Variants in GLCCI1 observed in about 807,000 individuals in gnomAD.
The protein encoded by GLCCI1 is glucocorticoid induced 1, also known as glucocorticoid-induced transcript 1 protein.
In GLCCI1, 24 loss-of-function variants were observed where a neutral mutation model predicts 52.2. That is an observed-to-expected ratio of 0.46 (90% CI 0.33 to 0.65). The LOEUF is 0.65. Among genes scored for constraint, GLCCI1 ranks in the 30% least tolerant of loss-of-function variants. The pLI is 0.02. For missense variants in GLCCI1, 704 were observed against 701.5 expected (o/e 1.00, Z -0.04); for synonymous variants, 310 against 276.5 (o/e 1.12, Z -1.20).
At chr7:8,003,860 A>T in intron 1 of GLCCI1, 48 bp from the exon 2 acceptor site, 1 of 1,543,508 alleles carries the variant, frequency 6.5e-7, no homozygotes, top group Non-Finnish European at 8.8e-7. Context: ...ATAACTTTAA[A>T]TTTTATTTTA....
intron 2 of GLCCI1, among the ~76,000 whole-genome samples, chr7:8,006,084 C>T (rs1306942621): frequency 1.3e-5 from 2 of 152,192 alleles, no homozygotes; most frequent in African/African-American, 4.8e-5. Context: ...AGGCATGCGC[C>T]ACCACTCCTG....
At position 8,086,317 on chromosome 7, in the gene GLCCI1, C is replaced by T; in HGVS notation, c.1423C>T (p.Leu475Phe). 6.2e-7 allele frequency: 1 copy of T among 1,614,036 alleles called. No homozygotes were observed. Among genetic ancestry groups the T allele is most frequent in the Non-Finnish European group, 8.5e-7 (1 of 1,179,940 alleles). Residue 475 changes from leucine to phenylalanine, a missense_variant, in exon 8 of 8, where the codon CTT (leucine) becomes TTT (phenylalanine). Physicochemically the swap from Leu to Phe is conservative, Grantham distance 22. This residue lies in a region of GLCCI1 where 149 missense variants were observed against 152.9 expected (regional missense o/e 0.97). Coordinates refer to ENST00000223145, the MANE Select transcript of GLCCI1 (RefSeq NM_138426.4). The surrounding 1 kb of genome is among the most constrained non-coding windows in gnomAD (Gnocchi z 4.4). ...LLGPLLPASD[L>F]MLKNSPNSGQ... ...AGGCCCCCTCTTACCTGCTTCTGAC[C>T]TTATGCTCAAGAACTCCCCTAACTC...
intron 1 of GLCCI1, among the ~76,000 whole-genome samples, chr7:8,000,961 C>T (rs1295973511): frequency 1.3e-5 from 2 of 152,170 alleles, no homozygotes; most frequent in East Asian, 1.9e-4. Context: ...CTCCTGAATA[C>T]AGCACACTAA....
chr7:7,989,368 C>T (rs2115414701), intron 1 of GLCCI1, among the ~76,000 whole-genome samples: 1 of 152,230 alleles, frequency 6.6e-6, no homozygotes, highest in South Asian at 2.1e-4. Flanking sequence ...GCAAGAGACA[C>T]TCCATCAACC....
At chr7:8,013,675 A>C (rs1781316389) in intron 2 of GLCCI1, among the ~76,000 whole-genome samples, 1 of 152,322 alleles carries the variant, frequency 6.6e-6, no homozygotes, top group African/African-American at 2.4e-5. Flanking sequence ...TTTGCCCTTC[A>C]GAATATTTTA....
chr7:8,008,053 A>T (rs38019), intron 2 of GLCCI1, among the ~76,000 whole-genome samples: 62,175 of 151,890 alleles, frequency 0.41, 13,031 homozygotes, highest in Middle Eastern at 0.52. Context: ...AATCTATTTA[A>T]CATATGCGTT....
chr7:8,080,840 G>GT (rs1298963089), intron 6 of GLCCI1, among the ~76,000 whole-genome samples: 13 of 146,938 alleles, frequency 8.8e-5, no homozygotes, highest in South Asian at 2.2e-4. Context: ...TTGGTTTTGG[G>GT]GTTTTTTTTT....
chr7:8,027,595 G>GCAGGAGT (rs1188683563), intron 3 of GLCCI1, among the ~76,000 whole-genome samples: 145 of 151,826 alleles, frequency 9.6e-4, no homozygotes, highest in African/African-American at 3.2e-3. Context: ...TAATAAAATG[G>GCAGGAGT]CAGGAGTAAG....
In GLCCI1 at chr7:8,078,611, G is replaced by A. The variant is rs542874748; in HGVS notation, c.1178-6286G>A. 3 of 152,272 alleles carry A rather than the reference G, an allele frequency of 2.0e-5. No homozygotes were observed. In the East Asian group the frequency reaches 5.8e-4, roughly 29 times the overall value. 9.4% of individuals were successfully genotyped at this position (152,272 alleles called of 1,614,324 possible). A position where few individuals can be genotyped will look rare whatever the true frequency, so the allele number is the denominator to read the frequency against. Reference sequence around the variant, plus strand: ...TTGCTCTATTTTTTCCTACATGTCAGCAGATTGTTTCATGCCTCTTAACTG... The same window carrying A: ...TTGCTCTATTTTTTCCTACATGTCAACAGATTGTTTCATGCCTCTTAACTG... On this transcript the variant is annotated intron_variant, in intron 6 of 7. Transcript: ENST00000223145.
chr7:8,058,006 A>C (rs888473385), intron 4 of GLCCI1, among the ~76,000 whole-genome samples: 1 of 152,180 alleles, frequency 6.6e-6, no homozygotes, highest in African/African-American at 2.4e-5. Context: ...AAATGTTGAT[A>C]ATTTTTGAAG....
rs186019670 is a variant in GLCCI1, at chr7:8,067,740, G to T, written c.967-3181G>T. On this transcript the variant is annotated intron_variant, in intron 5 of 7. Transcript: ENST00000223145. ...CTGTTGGCCTCATGGGGTTCCCTTT[G>T]TAGGTGGGTGACCTGCCTATTCTCT... Among the ~76,000 whole-genome samples, 10 of 152,324 alleles carry T rather than the reference G, an allele frequency of 6.6e-5. No individual in the cohort carries two copies. In the East Asian group the frequency reaches 1.7e-3, roughly 26 times the overall value.
At chr7:8,057,479 A>G (rs1026565437) in intron 4 of GLCCI1, among the ~76,000 whole-genome samples, 6 of 152,198 alleles carry the variant, frequency 3.9e-5, no homozygotes, top group African/African-American at 1.2e-4. Flanking sequence ...GATTTGTTAT[A>G]TTAAATTCTC....
intron 6 of GLCCI1, among the ~76,000 whole-genome samples, chr7:8,079,471 A>C (rs1009593835): frequency 5.3e-5 from 8 of 151,576 alleles, no homozygotes; most frequent in Non-Finnish European, 1.2e-4. Flanking sequence ...ATTTTAGTCT[A>C]TAAATTGCTT....
At chr7:8,035,592 A>G (rs7808399) in intron 3 of GLCCI1, among the ~76,000 whole-genome samples, 94,287 of 152,066 alleles carry the variant, frequency 0.62, 29,976 homozygotes, top group African/African-American at 0.77. Context: ...TGTTCCTGCA[A>G]CAGAAATCAG....
chr7:8,038,587 C>T (rs149978816), intron 3 of GLCCI1, among the ~76,000 whole-genome samples: 2 of 152,246 alleles, frequency 1.3e-5, no homozygotes, highest in Admixed American at 6.5e-5. Context: ...TATCTCTTAT[C>T]ATATACAAAA....
chr7:7,987,927 A>C (rs1028586232), intron 1 of GLCCI1, among the ~76,000 whole-genome samples: 1 of 152,198 alleles, frequency 6.6e-6, no homozygotes, highest in East Asian at 1.9e-4. Context: ...CTTGAAACTC[A>C]CTATCTTTGT....
chr7:8,054,212 C>T (rs565775953), intron 3 of GLCCI1, among the ~76,000 whole-genome samples: 3 of 152,056 alleles, frequency 2.0e-5, no homozygotes, highest in South Asian at 4.2e-4. Context: ...AATTATCTGT[C>T]TTGAGTTATA....
chr7:8,040,525 AAC>A (rs58561376), intron 3 of GLCCI1, among the ~76,000 whole-genome samples: 8,288 of 145,172 alleles, frequency 0.057, 347 homozygotes, highest in African/African-American at 0.12. Flanking sequence ...AGATATAATT[AAC>A]ACACACACAC....
chr7:8,055,263 C>T (rs1782358278), intron 3 of GLCCI1, among the ~76,000 whole-genome samples, 170 bp from the exon 4 acceptor site: 1 of 152,168 alleles, frequency 6.6e-6, no homozygotes, highest in Non-Finnish European at 1.5e-5. Flanking sequence ...ATTTACTTCT[C>T]ATTTTTAATA....
Sources: gnomAD v4.1 joint callset for allele counts (sites outside exome capture counted in the v4.1 genomes callset) on GRCh38, gnomAD v4.1.1 for gene constraint, gnomAD v4.1.1 regional missense constraint, Gnocchi (gnomAD v3.1) non-coding constraint, MANE v1.5 for transcripts, NCBI Gene and HGNC (gene_info 2026-07-23, HGNC 2026-07-21) for gene names.